Variants in RASAL2 observed in about 807,000 individuals in gnomAD.
The protein encoded by RASAL2 is RAS protein activator like 2.
Under a neutral mutation model 128.9 loss-of-function variants are expected in RASAL2, and 58 were observed. That is an observed-to-expected ratio of 0.45 (90% CI 0.36 to 0.56). RASAL2 has a LOEUF of 0.56. RASAL2 is among the 20% of genes least tolerant of loss of function. The pLI is 0.00. For missense variants in RASAL2, 1,360 were observed against 1,601.6 expected (o/e 0.85, Z 2.57); for synonymous variants, 561 against 580.8 (o/e 0.97, Z 0.49).
chr1:178,370,395 A>G lies in RASAL2; in HGVS notation c.458-19705A>G, dbSNP rs551355464. Among the ~76,000 whole-genome samples, 281 of 152,338 alleles carry G rather than the reference A, an allele frequency of 1.8e-3. 1 individual carries two copies. Among genetic ancestry groups the G allele is most frequent in the African/African-American group, 6.2e-3 (257 of 41,576 alleles). Reference sequence around the variant, plus strand: ...TGAAGTTATTACAAAGGAATTAGCAATCCATGCTTAGATATTAAGCATGCA... The same window carrying G: ...TGAAGTTATTACAAAGGAATTAGCAGTCCATGCTTAGATATTAAGCATGCA... On this transcript the variant is annotated intron_variant, in intron 3 of 17. Coordinates refer to ENST00000367649, the MANE Select transcript of RASAL2 (RefSeq NM_170692.4).
intron 1 of RASAL2, among the ~76,000 whole-genome samples, chr1:178,205,955 G>T (rs1248561894): frequency 1.3e-5 from 2 of 152,110 alleles, no homozygotes; most frequent in Non-Finnish European, 2.9e-5. Context: ...ACTTCTATGT[G>T]ACATTACGGA....
At chr1:178,243,979 A>G (rs993932970) in intron 1 of RASAL2, among the ~76,000 whole-genome samples, 28 of 152,140 alleles carry the variant, frequency 1.8e-4, no homozygotes, top group African/African-American at 5.8e-4. Flanking sequence ...CAGTTGTTGA[A>G]TGGTATAACT....
chr1:178,276,437 A>C (rs1666513883), intron 1 of RASAL2, among the ~76,000 whole-genome samples: 1 of 152,240 alleles, frequency 6.6e-6, no homozygotes, highest in African/African-American at 2.4e-5. Flanking sequence ...TAAGCAGACA[A>C]CATTAATACA....
Position 178,094,156 on chromosome 1 carries a change from G to C in RASAL2, c.-337G>C. 3.0e-6 allele frequency: 1 copy of C among 329,318 alleles called. No homozygotes were observed. Among genetic ancestry groups the C allele is most frequent in the Non-Finnish European group, 5.5e-6 (1 of 180,906 alleles). The allele number at this position is 329,318 out of a possible 1,614,324, so 20.4% of individuals were successfully genotyped here. ...CGGCGGGGCTGAAGAAGGCGGCTCC[G>C]AGGAGGTGGGAGGGCGAGCCTCCCC... On this transcript the variant is annotated 5_prime_UTR_variant, in exon 1 of 18. Coordinates refer to ENST00000367649, the MANE Select transcript of RASAL2 (RefSeq NM_170692.4).
At chr1:178,201,783 A>G (rs1205682489) in intron 1 of RASAL2, among the ~76,000 whole-genome samples, 1 of 152,190 alleles carries the variant, frequency 6.6e-6, no homozygotes, top group Non-Finnish European at 1.5e-5. Context: ...CGGCATTCCT[A>G]CTTAATTTAT....
intron 4 of RASAL2, chr1:178,411,611 A>T: frequency 1.3e-6 from 1 of 748,698 alleles, no homozygotes; most frequent in Non-Finnish European, 2.5e-6. Context: ...GAAATGGCAC[A>T]CTTCAGGTGG....
intron 3 of RASAL2, among the ~76,000 whole-genome samples, chr1:178,312,970 G>T (rs1055530601): frequency 4.6e-5 from 7 of 152,106 alleles, no homozygotes; most frequent in Non-Finnish European, 1.0e-4. Flanking sequence ...ATATTTTATG[G>T]ATAAGGAAAC....
intron 3 of RASAL2, among the ~76,000 whole-genome samples, chr1:178,360,731 G>A (rs552802611): frequency 6.6e-6 from 1 of 152,304 alleles, no homozygotes; most frequent in South Asian, 2.1e-4. Context: ...GAAGTTAGAA[G>A]GTGTCAACGG....
At chr1:178,251,360 A>G (rs1020121998) in intron 1 of RASAL2, among the ~76,000 whole-genome samples, 1 of 152,206 alleles carries the variant, frequency 6.6e-6, no homozygotes, top group African/African-American at 2.4e-5. Context: ...ATTACTGTAT[A>G]TGTGCAATGT....
In RASAL2 at chr1:178,422,169, G is replaced by A. The variant is rs1467705428; in HGVS notation, c.674+1549G>A. 2.6e-5 allele frequency among the ~76,000 whole-genome samples: 4 copies of A among 151,636 alleles called. No homozygotes were observed. The South Asian group carries it at 8.3e-4, about 32-fold the overall frequency. On this transcript the variant is annotated intron_variant, in intron 5 of 17. Coordinates refer to ENST00000367649, the MANE Select transcript of RASAL2 (RefSeq NM_170692.4). ...ATTATTTTTTAACCTTGCACTAAAT[G>A]TTACCTTCTTTATTTCAAACAAAGG...
intron 1 of RASAL2, among the ~76,000 whole-genome samples, chr1:178,137,369 G>C (rs1040481476): frequency 1.3e-5 from 2 of 152,100 alleles, no homozygotes; most frequent in Non-Finnish European, 2.9e-5. Flanking sequence ...ATTTTCCTCT[G>C]TCCTCTTTCT....
At chr1:178,358,373 A>G (rs1483340175) in intron 3 of RASAL2, among the ~76,000 whole-genome samples, 1 of 152,092 alleles carries the variant, frequency 6.6e-6, no homozygotes, top group Non-Finnish European at 1.5e-5. Context: ...TAAAGAAGGT[A>G]AAAAGACCAG....
intron 1 of RASAL2, among the ~76,000 whole-genome samples, chr1:178,142,853 G>A (rs989319399): frequency 4.6e-5 from 7 of 151,916 alleles, no homozygotes; most frequent in African/African-American, 1.2e-4. Flanking sequence ...GAAGGACTCC[G>A]CCCAACCAGT....
chr1:178,395,741 G>A (rs1226131767), intron 4 of RASAL2, among the ~76,000 whole-genome samples: 2 of 145,730 alleles, frequency 1.4e-5, no homozygotes, highest in East Asian at 2.0e-4. Flanking sequence ...TAATAGGATC[G>A]CCCTCCAGTG....
At chr1:178,403,257 G>T (rs139230682) in intron 4 of RASAL2, among the ~76,000 whole-genome samples, 1 of 152,056 alleles carries the variant, frequency 6.6e-6, no homozygotes, top group Non-Finnish European at 1.5e-5. Flanking sequence ...TTTTGAGGGG[G>T]TTTTCCCTCC....
chr1:178,281,273 C>T (rs377316092), intron 1 of RASAL2, among the ~76,000 whole-genome samples: 8 of 151,886 alleles, frequency 5.3e-5, no homozygotes, highest in African/African-American at 9.6e-5. Context: ...CTCTCTATTT[C>T]ATTGTTCTCT....
rs535576635 is a variant in RASAL2, at chr1:178,385,982, A to G, written c.458-4118A>G. 4.0e-4 allele frequency among the ~76,000 whole-genome samples: 61 copies of G among 152,268 alleles called. No individual in the cohort carries two copies. In the South Asian group the frequency reaches 0.012, roughly 31 times the overall value. On this transcript the variant is annotated intron_variant, in intron 3 of 17. Coordinates refer to ENST00000367649, the MANE Select transcript of RASAL2 (RefSeq NM_170692.4). ...TCCCTGACTACTTTTTATTTCCCCT[A>G]AAACACTTGTCACCTTCTAACTTAC...
chr1:178,298,849 C>T (rs16852656), intron 2 of RASAL2, among the ~76,000 whole-genome samples: 1 of 151,234 alleles, frequency 6.6e-6, no homozygotes, highest in African/African-American at 2.4e-5. Flanking sequence ...TAGGATGTTA[C>T]AATTCTTAAT....
intron 3 of RASAL2, among the ~76,000 whole-genome samples, chr1:178,387,099 T>C (rs1672621099): frequency 1.3e-5 from 2 of 152,238 alleles, no homozygotes; most frequent in East Asian, 3.8e-4. Context: ...TTATGAATCT[T>C]CTGAGAACTA....
Sources: gnomAD v4.1 joint callset for allele counts (sites outside exome capture counted in the v4.1 genomes callset) on GRCh38, gnomAD v4.1.1 for gene constraint, MANE v1.5 for transcripts, NCBI Gene and HGNC (gene_info 2026-07-23, HGNC 2026-07-21) for gene names.